Variants in PDE3A observed in about 807,000 individuals in gnomAD.
PDE3A encodes cGMP-inhibited 3',5'-cyclic phosphodiesterase 3A.
In PDE3A, 43 loss-of-function variants were observed where a neutral mutation model predicts 98.3. The ratio of observed to expected loss-of-function variants is 0.44; its 90% CI spans 0.34 to 0.56. The LOEUF is 0.56. Among genes scored for constraint, PDE3A ranks in the 20% least tolerant of loss-of-function variants. PDE3A has a pLI of 0.01. For synonymous variants in PDE3A, 663 were observed against 567.9 expected, an observed-to-expected ratio of 1.17 and a Z score of -2.38; for missense variants, 1,427 against 1,440.7, an observed-to-expected ratio of 0.99 and a Z score of 0.15.
intron 3 of PDE3A, among the ~76,000 whole-genome samples, chr12:20,615,101 A>G (rs540163225): frequency 1.1e-4 from 14 of 125,756 alleles, no homozygotes; most frequent in African/African-American, 1.2e-4. Flanking sequence ...CGCTCACTGC[A>G]TGTTGGCCAG....
intron 1 of PDE3A, among the ~76,000 whole-genome samples, chr12:20,430,261 C>T (rs759358895): frequency 6.6e-6 from 1 of 152,094 alleles, no homozygotes; most frequent in Non-Finnish European, 1.5e-5. Context: ...ATAAAAATAA[C>T]TGGCCTTTGA....
chr12:20,641,585 A>G (rs1944648236), intron 10 of PDE3A, among the ~76,000 whole-genome samples: 1 of 152,202 alleles, frequency 6.6e-6, no homozygotes. Context: ...AATTAGCCAT[A>G]GCAAAGTTCC....
chr12:20,482,123 C>T (rs932093435), intron 1 of PDE3A, among the ~76,000 whole-genome samples: 1 of 151,926 alleles, frequency 6.6e-6, no homozygotes, highest in African/African-American at 2.4e-5. Context: ...ACAGAAAGCA[C>T]AAGATTATTT....
At chr12:20,477,032 T>C (rs1945543159) in intron 1 of PDE3A, among the ~76,000 whole-genome samples, 1 of 152,172 alleles carries the variant, frequency 6.6e-6, no homozygotes, top group African/African-American at 2.4e-5. Flanking sequence ...TACTATTTCG[T>C]GGTTTAGTAT....
intron 1 of PDE3A, among the ~76,000 whole-genome samples, chr12:20,529,469 T>C (rs1163394997): frequency 6.6e-6 from 1 of 152,074 alleles, no homozygotes; most frequent in Non-Finnish European, 1.5e-5. Flanking sequence ...AAATAGGGTC[T>C]TTGCAGAGGT....
At chr12:20,506,745 G>A (rs943891871) in intron 1 of PDE3A, among the ~76,000 whole-genome samples, 3 of 151,916 alleles carry the variant, frequency 2.0e-5, no homozygotes, top group Admixed American at 1.3e-4. Flanking sequence ...AAACTTCTAA[G>A]GAAAGTATTT....
In PDE3A at chr12:20,552,027, C is replaced by G. The variant is rs9795894; in HGVS notation, c.961-4633C>G. The stretch of plus-strand genomic sequence containing the variant: ...ACTCCCTAGTCCTGGCGGGGGGCTA[C>G]GAGGATGACGTGGACCATGGGAATT... On this transcript the variant is annotated intron_variant, in intron 1 of 15. Coordinates refer to ENST00000359062, the MANE Select transcript of PDE3A (RefSeq NM_000921.5). The surrounding 1 kb of genome is among the most constrained non-coding windows in gnomAD (Gnocchi z 5.1). The G allele has an allele frequency of 6.3e-7, 1 of 1,590,434 alleles. No individual in the cohort carries two copies. The highest frequency in any genetic ancestry group is 8.6e-7 in the Non-Finnish European group (1 of 1,161,102).
chr12:20,611,257 G>T (rs543592198), intron 2 of PDE3A, among the ~76,000 whole-genome samples: 1 of 151,672 alleles, frequency 6.6e-6, no homozygotes, highest in African/African-American at 2.4e-5. Context: ...TATGACATAT[G>T]CATGACTATG....
At chr12:20,414,237 T>C (rs1437513745) in intron 1 of PDE3A, among the ~76,000 whole-genome samples, 1 of 152,170 alleles carries the variant, frequency 6.6e-6, no homozygotes, top group African/African-American at 2.4e-5. Context: ...GCCACGGAAT[T>C]AGACAAAATA....
Position 20,369,644 on chromosome 12 carries a change from C to T in PDE3A, c.360C>T (p.Pro120=), listed in dbSNP as rs529617255. The change falls in exon 1 of 16, where the codon CCC becomes CCT. Residue 120 remains proline, a synonymous_variant. Transcript: ENST00000359062. ...GVFPGPRGGA[P]GGGARLSPWL... is the part of the protein sequence containing the mutation. ...TCCCGGGGCCTCGGGGAGGTGCTCC[C>T]GGGGGCGGTGCGCGGCTCAGCCCCT... 1.9e-6 allele frequency: 3 copies of T among 1,597,434 alleles called. No homozygotes were observed. The highest frequency in any genetic ancestry group is 2.6e-6 in the Non-Finnish European group (3 of 1,172,750).
In PDE3A at chr12:20,441,252, A is replaced by G. The variant is rs181327013; in HGVS notation, c.960+71008A>G. 5.3e-5 allele frequency among the ~76,000 whole-genome samples: 8 copies of G among 152,324 alleles called. 1 individual carries two copies. Among genetic ancestry groups the G allele is most frequent in the Admixed American group, 5.2e-4 (8 of 15,298 alleles). Reference sequence around the variant, plus strand: ...GATTATTTCCTGAGGCAAAGGGAGCATTCATGGAGTAGAGTAGTCATTGAG... The same window carrying G: ...GATTATTTCCTGAGGCAAAGGGAGCGTTCATGGAGTAGAGTAGTCATTGAG... On this transcript the variant is annotated intron_variant, in intron 1 of 15. Transcript: ENST00000359062.
intron 1 of PDE3A, 89 bp from the exon 2 acceptor site, chr12:20,556,571 G>T: frequency 1.2e-6 from 1 of 858,486 alleles, no homozygotes; most frequent in South Asian, 1.5e-5. Flanking sequence ...ATAAAGATTG[G>T]AACAACCTGA....
rs1216680510 is a variant in PDE3A at position 20,680,082 on chromosome 12, C to G, written c.3237C>G (p.Leu1079=). Residue 1079 remains leucine (L), a synonymous_variant, in exon 16 of 16, where the codon CTC becomes CTG. Coordinates refer to ENST00000359062, the MANE Select transcript of PDE3A (RefSeq NM_000921.5). ...RKIYCQITQH[L]LQNHKMWKKV... is the part of the protein sequence containing the mutation. Reference sequence around the variant, plus strand: ...TCTACTGCCAAATAACTCAGCACCTCTTACAGAACCACAAGATGTGGAAGA... The same window carrying G: ...TCTACTGCCAAATAACTCAGCACCTGTTACAGAACCACAAGATGTGGAAGA... 1.2e-6 allele frequency: 2 copies of G among 1,610,572 alleles called. No individual in the cohort carries two copies. Among genetic ancestry groups the G allele is most frequent in the South Asian group, 1.1e-5 (1 of 91,020 alleles).
At chr12:20,492,416 G>T (rs1945844481) in intron 1 of PDE3A, among the ~76,000 whole-genome samples, 1 of 151,406 alleles carries the variant, frequency 6.6e-6, no homozygotes. Flanking sequence ...TCTGCTATAT[G>T]TATGAGTCAC....
At chr12:20,531,753 G>A (rs1015578301) in intron 1 of PDE3A, among the ~76,000 whole-genome samples, 4 of 152,086 alleles carry the variant, frequency 2.6e-5, no homozygotes, top group Admixed American at 6.5e-5. Flanking sequence ...AAGACATTGC[G>A]CTATTATTAA....
intron 2 of PDE3A, among the ~76,000 whole-genome samples, chr12:20,601,238 GT>G (rs1275612226): frequency 7.2e-6 from 1 of 138,308 alleles, no homozygotes; most frequent in African/African-American, 2.5e-5. Flanking sequence ...CTTTTTGTTT[GT>G]TTGTTTGTTT....
chr12:20,445,849 T>C (rs1944944445), intron 1 of PDE3A, among the ~76,000 whole-genome samples: 1 of 152,144 alleles, frequency 6.6e-6, no homozygotes, highest in Admixed American at 6.5e-5. Flanking sequence ...AGTCTGTGCA[T>C]CATTCATACC....
intron 5 of PDE3A, among the ~76,000 whole-genome samples, chr12:20,626,952 A>C (rs1944275715): frequency 6.6e-6 from 1 of 152,154 alleles, no homozygotes; most frequent in Non-Finnish European, 1.5e-5. Context: ...CGTGAGTTCC[A>C]AGAACTCTAA....
intron 1 of PDE3A, among the ~76,000 whole-genome samples, chr12:20,423,670 C>G (rs1215732112): frequency 6.6e-6 from 1 of 151,988 alleles, no homozygotes; most frequent in East Asian, 1.9e-4. Flanking sequence ...GCTTTACTTC[C>G]CCTTGTTTTC....
Sources: allele counts gnomAD v4.1 joint callset (sites outside exome capture counted in the v4.1 genomes callset), GRCh38; gene constraint gnomAD v4.1.1; non-coding constraint Gnocchi (gnomAD v3.1); transcripts MANE v1.5; gene names NCBI Gene and HGNC (gene_info 2026-07-23, HGNC 2026-07-21).